The following CSMD1 variants were observed in gnomAD, a reference collection of about 807,000 sequenced individuals.
CSMD1 encodes CUB and sushi domain-containing protein 1.
A neutral mutation model predicts 417.5 loss-of-function variants in CSMD1; 213 were observed. The ratio of observed to expected loss-of-function variants is 0.51; its 90% CI spans 0.46 to 0.57. The LOEUF is 0.57. Ranked by LOEUF, CSMD1 falls within the 20% of genes least tolerant of loss-of-function variation. CSMD1 has a pLI of 0.00. For synonymous variants in CSMD1, 2,862 were observed against 1,736.8 expected (o/e 1.65, Z -16.11); for missense variants, 6,923 against 4,529.7 (o/e 1.53, Z -15.17).
intron 3 of CSMD1, among the ~76,000 whole-genome samples, chr8:4,347,353 T>C (rs1800832070): frequency 6.6e-6 from 1 of 152,146 alleles, no homozygotes. Flanking sequence ...CATAATATAA[T>C]CGATACTCTC....
At chr8:4,934,839 TATCA>T (rs922752685) in intron 1 of CSMD1, among the ~76,000 whole-genome samples, 27 of 152,260 alleles carry the variant, frequency 1.8e-4, no homozygotes, top group South Asian at 6.2e-4. Context: ...ATCATCCATC[TATCA>T]ATCAATCAAT....
rs1356574502 is a variant in CSMD1 at position 4,720,858 on chromosome 8, A to G, written c.86-83300T>C. Among the ~76,000 whole-genome samples, 6 of 152,208 alleles carry G rather than the reference A, an allele frequency of 3.9e-5. No homozygotes were observed. The East Asian group carries it at 9.6e-4, about 24-fold the overall frequency. ...AAGGAAAGTCTAGAAGCCAAGGGAA[A>G]ACCAAGATCCTAGTGCCGTCTCTGG... On this transcript the variant is annotated intron_variant, in intron 1 of 69. Transcript: ENST00000635120.
intron 54 of CSMD1, among the ~76,000 whole-genome samples, chr8:2,991,880 A>G (rs1164746193): frequency 6.6e-6 from 1 of 152,224 alleles, no homozygotes; most frequent in East Asian, 1.9e-4. Context: ...AGTGGGTACA[A>G]AAGTCACAGG....
At chr8:3,566,516 C>T (rs1023407071) in intron 10 of CSMD1, among the ~76,000 whole-genome samples, 4 of 148,236 alleles carry the variant, frequency 2.7e-5, no homozygotes, top group African/African-American at 7.4e-5. Context: ...AGCCCCGGTA[C>T]ACCCAACCCA....
rs376124233 is a variant in CSMD1 at position 4,726,630 on chromosome 8, A to C, written c.86-89072T>G. The stretch of plus-strand genomic sequence containing the variant: ...CTGCAAAAGATAGAAACCCTGAATC[A>C]TTATTTCAAGGTACTTCATCATCCT... On this transcript the variant is annotated intron_variant, in intron 1 of 69. Coordinates refer to ENST00000635120, the MANE Select transcript of CSMD1 (RefSeq NM_033225.6). Among the ~76,000 whole-genome samples, 221 of 152,242 alleles carry C rather than the reference A, an allele frequency of 1.5e-3. 7 individuals carry two copies. The South Asian group carries it at 0.04, about 28-fold the overall frequency.
At chr8:4,419,859 C>T in intron 3 of CSMD1, 94 bp downstream of exon 3, 1 of 867,922 alleles carries the variant, frequency 1.2e-6, no homozygotes, top group Non-Finnish European at 1.9e-6. Flanking sequence ...CGACCTGCGA[C>T]ATAGCAGCCT....
chr8:4,725,471 G>C (rs552517494), intron 1 of CSMD1, among the ~76,000 whole-genome samples: 14 of 152,138 alleles, frequency 9.2e-5, no homozygotes, highest in Admixed American at 6.6e-4. Flanking sequence ...TGATAGCTCA[G>C]AAAATACATA....
Position 4,420,544 on chromosome 8 carries a change from T to TA in CSMD1, c.303-480dup, listed in dbSNP as rs376101398. Among the ~76,000 whole-genome samples the TA allele has an allele frequency of 4.9e-4, 75 of 152,258 alleles. 2 individuals are homozygous for TA. Among genetic ancestry groups the TA allele is most frequent in the Middle Eastern group, 3.4e-3 (1 of 294 alleles). ...TTCACTATTTTTAATTTTTTTCTAA[T>TA]AAAAAATATGACAGGTAAAGCATGT... is the stretch of plus-strand genomic sequence containing the variant. On this transcript the variant is annotated intron_variant, in intron 2 of 69. Transcript: ENST00000635120.
intron 3 of CSMD1, among the ~76,000 whole-genome samples, chr8:4,082,803 C>T (rs1231088918): frequency 7.2e-6 from 1 of 138,516 alleles, no homozygotes; most frequent in Non-Finnish European, 1.5e-5. Flanking sequence ...TGTGATGTTC[C>T]CTTTCCTGTG....
chr8:3,047,308 T>A (rs1811523814), intron 50 of CSMD1, among the ~76,000 whole-genome samples: 1 of 151,942 alleles, frequency 6.6e-6, no homozygotes, highest in Admixed American at 6.6e-5. Flanking sequence ...CTGTAGAAAT[T>A]GGTCCCAGAC....
chr8:3,760,961 C>CT (rs386411910), intron 5 of CSMD1, among the ~76,000 whole-genome samples: 32,261 of 150,404 alleles, frequency 0.21, 3,506 homozygotes, highest in Middle Eastern at 0.26. Context: ...TGTGCTTTTT[C>CT]TTTTTTTTTT....
chr8:3,481,140 G>C (rs567259121), intron 11 of CSMD1, among the ~76,000 whole-genome samples: 1 of 129,450 alleles, frequency 7.7e-6, no homozygotes, highest in East Asian at 2.5e-4. Flanking sequence ...GGGCAACAGA[G>C]CGAGACTCCA....
intron 7 of CSMD1, among the ~76,000 whole-genome samples, chr8:3,661,733 G>C (rs1019632985): frequency 4.6e-5 from 7 of 152,094 alleles, no homozygotes; most frequent in Non-Finnish European, 8.8e-5. Context: ...CTGACCTCAA[G>C]TGATTCACCC....
chr8:3,980,359 T>C (rs766645976), intron 5 of CSMD1, among the ~76,000 whole-genome samples: 11 of 145,452 alleles, frequency 7.6e-5, no homozygotes, highest in Middle Eastern at 3.5e-3. Context: ...GAATTTCAGC[T>C]TTAACGCGGT....
intron 5 of CSMD1, among the ~76,000 whole-genome samples, chr8:3,899,614 T>C (rs775503785): frequency 1.4e-4 from 21 of 152,088 alleles, no homozygotes; most frequent in Non-Finnish European, 2.8e-4. Flanking sequence ...CCAACATAAG[T>C]ATGTAGTGAG....
At chr8:4,498,399 C>A (rs1802085055) in intron 2 of CSMD1, among the ~76,000 whole-genome samples, 1 of 152,052 alleles carries the variant, frequency 6.6e-6, no homozygotes, top group African/African-American at 2.4e-5. Context: ...GTATATATTT[C>A]TAAATCAGTT....
At chr8:4,081,183 T>C (rs951315492) in intron 3 of CSMD1, among the ~76,000 whole-genome samples, 6 of 152,178 alleles carry the variant, frequency 3.9e-5, no homozygotes, top group African/African-American at 1.4e-4. Context: ...AAACTTCTGT[T>C]ATTTATAAAT....
chr8:4,519,832 A>C (rs1044908883), intron 2 of CSMD1, among the ~76,000 whole-genome samples: 1 of 143,956 alleles, frequency 6.9e-6, no homozygotes, highest in African/African-American at 2.6e-5. Context: ...GATATGGCTG[A>C]GCTAGATCTT....
intron 2 of CSMD1, among the ~76,000 whole-genome samples, chr8:4,519,500 G>A (rs181725469): frequency 2.0e-5 from 3 of 151,932 alleles, no homozygotes; most frequent in East Asian, 3.9e-4. Flanking sequence ...AGCACTTTGG[G>A]AGGCCAAGCA....
Sources: allele counts gnomAD v4.1 joint callset (sites outside exome capture counted in the v4.1 genomes callset), GRCh38; gene constraint gnomAD v4.1.1; transcripts MANE v1.5; gene names NCBI Gene and HGNC (gene_info 2026-07-23, HGNC 2026-07-21).